SLCO6A1: variants seen among roughly 807,000 people sequenced by gnomAD.
SLCO6A1 encodes the protein solute carrier organic anion transporter family member 6A1.
SLCO6A1 carries 65 observed loss-of-function variants against 72.7 expected under a neutral mutation model. The ratio of observed to expected loss-of-function variants is 0.89; its 90% CI spans 0.73 to 1.10. The LOEUF (loss-of-function observed/expected upper bound fraction) is 1.10, where lower values mean the gene tolerates loss of function less well. Ranked by LOEUF, SLCO6A1 falls within the 50% of genes least tolerant of loss-of-function variation. The pLI is 0.00. For synonymous variants in SLCO6A1, 314 were observed against 298.2 expected (o/e 1.05, Z -0.55); for missense variants, 874 against 872.6 (o/e 1.00, Z -0.02).
intron 6 of SLCO6A1, among the ~76,000 whole-genome samples, chr5:102,450,095 A>G (rs1468590999): frequency 6.6e-6 from 1 of 152,182 alleles, no homozygotes; most frequent in Non-Finnish European, 1.5e-5. Context: ...AATATCTAAA[A>G]TCTTCATTTC....
chr5:102,456,978 C>T (rs1261300426), intron 6 of SLCO6A1, among the ~76,000 whole-genome samples: 2 of 152,064 alleles, frequency 1.3e-5, no homozygotes, highest in Admixed American at 6.6e-5. Context: ...CTTTGACAAA[C>T]CTGAGAAAAA....
chr5:102,453,470 T>G (rs1750541056), intron 6 of SLCO6A1, among the ~76,000 whole-genome samples: 1 of 152,214 alleles, frequency 6.6e-6, no homozygotes, highest in Non-Finnish European at 1.5e-5. Context: ...AGAGACAGTT[T>G]GTACTGACTT....
intron 1 of SLCO6A1, among the ~76,000 whole-genome samples, chr5:102,496,753 C>T (rs1752927038): frequency 6.6e-6 from 1 of 152,164 alleles, no homozygotes; most frequent in Admixed American, 6.5e-5. Flanking sequence ...ACTAAGGAGA[C>T]ATGATGGATA....
At chr5:102,425,146 A>T (rs182620385) in intron 7 of SLCO6A1, among the ~76,000 whole-genome samples, 4 of 152,326 alleles carry the variant, frequency 2.6e-5, no homozygotes, top group African/African-American at 9.6e-5. Context: ...ATTTATGATA[A>T]ACCCACAGCT....
At chr5:102,411,225 A>G (rs10062413) in intron 9 of SLCO6A1, among the ~76,000 whole-genome samples, 17 of 151,522 alleles carry the variant, frequency 1.1e-4, no homozygotes, top group South Asian at 2.1e-4. Flanking sequence ...ATATATATAT[A>G]TGTGTGTGTG....
intron 8 of SLCO6A1, 27 bp from the exon 9 acceptor site, chr5:102,413,170 A>G: frequency 6.6e-7 from 1 of 1,523,558 alleles, no homozygotes; most frequent in Non-Finnish European, 8.7e-7. Flanking sequence ...GAATGTAATC[A>G]TATTACCATT....
At chr5:102,469,571 G>C (rs1476324658) in intron 4 of SLCO6A1, among the ~76,000 whole-genome samples, 1 of 152,034 alleles carries the variant, frequency 6.6e-6, no homozygotes, top group African/African-American at 2.4e-5. Context: ...GAGACGACGG[G>C]GTTTTCTGAA....
At chr5:102,454,096 C>A (rs149103791) in intron 6 of SLCO6A1, among the ~76,000 whole-genome samples, 1 of 152,162 alleles carries the variant, frequency 6.6e-6, no homozygotes, top group African/African-American at 2.4e-5. Flanking sequence ...CCCCTAACAA[C>A]TATTGCTGCC....
chr5:102,389,253 A>C (rs1746595350), intron 11 of SLCO6A1, among the ~76,000 whole-genome samples: 1 of 152,180 alleles, frequency 6.6e-6, no homozygotes, highest in African/African-American at 2.4e-5. Flanking sequence ...TCTGTTATTT[A>C]TCAAGACATT....
At chr5:102,403,721 C>CA (rs1430209005) in intron 9 of SLCO6A1, among the ~76,000 whole-genome samples, 1 of 151,766 alleles carries the variant, frequency 6.6e-6, no homozygotes, top group African/African-American at 2.4e-5. Flanking sequence ...CTACTTTATC[C>CA]AAAAAAGGTG....
intron 1 of SLCO6A1, among the ~76,000 whole-genome samples, chr5:102,489,163 C>T (rs927885906): frequency 6.6e-6 from 1 of 152,192 alleles, no homozygotes; most frequent in Admixed American, 6.5e-5. Context: ...CATCAGCCTG[C>T]AGGAGCAAAG....
intron 1 of SLCO6A1, among the ~76,000 whole-genome samples, chr5:102,486,509 T>G (rs896622528): frequency 7.2e-5 from 11 of 152,106 alleles, no homozygotes; most frequent in Non-Finnish European, 1.6e-4. Context: ...TTCAAAATCA[T>G]AAATCAACTG....
Position 102,396,038 on chromosome 5 carries a change from T to G in SLCO6A1, c.1814+3517A>C, listed in dbSNP as rs570037254. ...TTTCTTTTGCTGTGCAGAAGCTCTT[T>G]AGTTTAATTAGATCCCATTTGTCAA... On this transcript the variant is annotated intron_variant, in intron 10 of 13. Coordinates refer to ENST00000506729, the MANE Select transcript of SLCO6A1 (RefSeq NM_173488.5). Among the ~76,000 whole-genome samples, 324 of 152,214 alleles carry G rather than the reference T, an allele frequency of 2.1e-3. 2 individuals carry two copies. The highest frequency in any genetic ancestry group is 7.3e-3 in the African/African-American group (305 of 41,548).
At chr5:102,372,172 T>C (rs1750659747) in intron 13 of SLCO6A1, 49 bp from the exon 14 acceptor site, 1 of 152,012 alleles carries the variant, frequency 6.6e-6, no homozygotes, top group Admixed American at 6.6e-5. Context: ...GAGTTTTACA[T>C]GAAGACTAGT....
chr5:102,467,297 T>A lies in SLCO6A1; in HGVS notation c.900-7520A>T, dbSNP rs1489280313. Among the ~76,000 whole-genome samples, 3 of 152,096 alleles carry A rather than the reference T, an allele frequency of 2.0e-5. No individual in the cohort carries two copies. In the East Asian group the frequency reaches 5.8e-4, roughly 29 times the overall value. ...ATCCTGGTATAAGGATGCATGCCTG[T>A]AGTCCTAGCTACTCCAGAGGTGGGA... On this transcript the variant is annotated intron_variant, in intron 4 of 13. Coordinates refer to ENST00000506729, the MANE Select transcript of SLCO6A1 (RefSeq NM_173488.5).
chr5:102,436,876 C>T (rs1749564987), intron 7 of SLCO6A1, among the ~76,000 whole-genome samples: 1 of 152,138 alleles, frequency 6.6e-6, no homozygotes, highest in Non-Finnish European at 1.5e-5. Context: ...ATGAACTAAA[C>T]CAGCCTCATA....
At position 102,425,932 on chromosome 5, in the gene SLCO6A1, T is replaced by C. The variant is rs150330351; in HGVS notation, c.1277-5911A>G. Among the ~76,000 whole-genome samples, 1,052 of 152,202 alleles carry C rather than the reference T, an allele frequency of 6.9e-3. 5 individuals carry two copies. Among genetic ancestry groups the C allele is most frequent in the South Asian group, 0.015 (71 of 4,826 alleles). On this transcript the variant is annotated intron_variant, in intron 7 of 13. Transcript: ENST00000506729. ...GTACCAAAACAGAGATATAGACCAA[T>C]GGAACAGAACACAGCCCTCAGAAAT...
intron 8 of SLCO6A1, among the ~76,000 whole-genome samples, chr5:102,415,283 T>C (rs116589033): frequency 1.8e-3 from 277 of 152,118 alleles, no homozygotes; most frequent in African/African-American, 6.3e-3. Context: ...AAATTGGAGG[T>C]ATCACATTAT....
chr5:102,377,604 GT>G (rs946049460), intron 12 of SLCO6A1, among the ~76,000 whole-genome samples: 31 of 151,106 alleles, frequency 2.1e-4, no homozygotes, highest in African/African-American at 6.3e-4. Context: ...TTACACCTCA[GT>G]TTTTTTTAAT....
Sources: allele counts gnomAD v4.1 joint callset (sites outside exome capture counted in the v4.1 genomes callset), GRCh38; gene constraint gnomAD v4.1.1; transcripts MANE v1.5; gene names NCBI Gene and HGNC (gene_info 2026-07-23, HGNC 2026-07-21).